Variants in KCNQ2 observed in about 807,000 individuals in gnomAD.
KCNQ2 encodes potassium voltage-gated channel subfamily KQT member 2.
A neutral mutation model predicts 84.8 loss-of-function variants in KCNQ2; 14 were observed. The ratio of observed to expected loss-of-function variants is 0.17; its 90% CI spans 0.11 to 0.26. The LOEUF (loss-of-function observed/expected upper bound fraction) is 0.26, where lower values mean the gene tolerates loss of function less well. Ranked by LOEUF, KCNQ2 falls within the 10% of genes least tolerant of loss-of-function variation. KCNQ2 has a pLI of 1.00. For missense variants in KCNQ2, 788 were observed against 1,254.0 expected (o/e 0.63, Z 5.61); for synonymous variants, 599 against 554.1 (o/e 1.08, Z -1.14).
In KCNQ2 at chr20:63,460,603, G is replaced by A. The variant is rs535668581; in HGVS notation, c.296+11565C>T. Among the ~76,000 whole-genome samples, 49 of 152,298 alleles carry A rather than the reference G, an allele frequency of 3.2e-4. No homozygotes were observed. Among genetic ancestry groups the A allele is most frequent in the African/African-American group, 1.1e-3 (44 of 41,556 alleles). On this transcript the variant is annotated intron_variant, in intron 1 of 16. Coordinates refer to ENST00000359125, the MANE Select transcript of KCNQ2 (RefSeq NM_172107.4). This position sits in a 1 kb window ranked among gnomAD's most constrained non-coding sequence, Gnocchi z 5.4. Reference sequence around the variant, plus strand: ...CCTCCACTTGCACACCTCCGGCGACGGAGGGCTCACCCCACAGAAAGAATC... The same window carrying A: ...CCTCCACTTGCACACCTCCGGCGACAGAGGGCTCACCCCACAGAAAGAATC...
At chr20:63,428,877 G>A (rs2080711596) in intron 9 of KCNQ2, among the ~76,000 whole-genome samples, 1 of 152,166 alleles carries the variant, frequency 6.6e-6, no homozygotes, top group South Asian at 2.1e-4. Flanking sequence ...CAAAGCTGGA[G>A]GAGTTGGGAG....
At chr20:63,410,124 C>T (rs1453185317) in intron 15 of KCNQ2, 2 of 186,566 alleles carry the variant, frequency 1.1e-5, no homozygotes, top group Non-Finnish European at 2.2e-5. Flanking sequence ...CGGGAGGGGA[C>T]GGCGGGAGGG....
chr20:63,417,783 G>C (rs1037268857), intron 12 of KCNQ2, among the ~76,000 whole-genome samples: 1 of 152,192 alleles, frequency 6.6e-6, no homozygotes, highest in Non-Finnish European at 1.5e-5. Context: ...TTTCAGGGGG[G>C]ACCCCCCGCT....
At chr20:63,431,300 C>CCA (rs138324374) in intron 9 of KCNQ2, 40 bp downstream of exon 9, 45 of 1,598,432 alleles carry the variant, frequency 2.8e-5, no homozygotes, top group South Asian at 1.0e-4. Flanking sequence ...AGAACTAGAA[C>CCA]CACACACACA....
At chr20:63,419,201 GCA>G (rs2080391923) in intron 12 of KCNQ2, among the ~76,000 whole-genome samples, 1 of 152,216 alleles carries the variant, frequency 6.6e-6, no homozygotes, top group African/African-American at 2.4e-5. Flanking sequence ...GAGGAGCCCG[GCA>G]CACACAGACG....
chr20:63,442,878 TCAC>T (rs1568935015), intron 4 of KCNQ2, among the ~76,000 whole-genome samples: 73 of 6,382 alleles, frequency 0.011, no homozygotes, highest in Non-Finnish European at 0.011. Context: ...ATCACCATTA[TCAC>T]CACCACCATC....
chr20:63,409,646 C>A lies in KCNQ2; in HGVS notation c.1764-1110G>T, dbSNP rs562820380. Among the ~76,000 whole-genome samples, 160 of 152,336 alleles carry A rather than the reference C, an allele frequency of 1.1e-3. 1 individual carries two copies. The highest frequency in any genetic ancestry group is 3.7e-3 in the African/African-American group (154 of 41,582). ...GGAGAGGCCACAAGCTCCCAAGTCT[C>A]CCCTGGACTGGGGCCTGGTACATGA... On this transcript the variant is annotated intron_variant, in intron 15 of 16. Coordinates refer to ENST00000359125, the MANE Select transcript of KCNQ2 (RefSeq NM_172107.4).
intron 1 of KCNQ2, chr20:63,459,055 G>A (rs1459883489): frequency 6.6e-6 from 1 of 152,298 alleles, no homozygotes; most frequent in Admixed American, 6.5e-5. Flanking sequence ...TGGGTGGGTA[G>A]ATAAACTGAG....
chr20:63,472,157 C>T lies in KCNQ2; in HGVS notation c.296+11G>A, dbSNP rs775722109. The T allele has an allele frequency of 1.6e-5, 24 of 1,492,144 alleles. No individual in the cohort carries two copies. The highest frequency in any genetic ancestry group is 2.0e-5 in the Non-Finnish European group (22 of 1,119,478). 92.4% of individuals were successfully genotyped at this position (1,492,144 alleles called of 1,614,324 possible). On this transcript the variant is annotated intron_variant, in intron 1 of 16. Transcript: ENST00000359125. ...ATGGGGGTCGCCACGGGGGCCCCGC[C>T]GGCCACTCACACGTAGGCGTGGTAG... is the stretch of plus-strand genomic sequence containing the variant.
In KCNQ2 at chr20:63,407,454, G is replaced by C; in HGVS notation, c.1888-79C>G. On this transcript the variant is annotated intron_variant, in intron 16 of 16. Transcript: ENST00000359125. The surrounding 1 kb of genome is among the most constrained non-coding windows in gnomAD (Gnocchi z 7.2). ...GGACCCAGGCTGCTCCCAGGAAATG[G>C]GGGGGCCCAGGCTGGTTCCAGGAAA... 6.7e-7 allele frequency: 1 copy of C among 1,501,380 alleles called. No individual in the cohort carries two copies. The highest frequency in any genetic ancestry group is 9.0e-7 in the Non-Finnish European group (1 of 1,105,464). 93.0% of individuals were successfully genotyped at this position (1,501,380 alleles called of 1,614,324 possible). A position where few individuals can be genotyped will look rare whatever the true frequency, so the allele number is the denominator to read the frequency against.
In KCNQ2 at chr20:63,407,667, T is replaced by A. The variant is rs548900611; in HGVS notation, c.1888-292A>T. Among the ~76,000 whole-genome samples the A allele has an allele frequency of 4.1e-5, 6 of 148,050 alleles. No individual in the cohort carries two copies. Among genetic ancestry groups the A allele is most frequent in the Non-Finnish European group, 8.9e-5 (6 of 67,146 alleles). ...AGGAAATGGGGGGGACCCAGGCTGG[T>A]CCTAGGAGATGGGGGGACCTGGACC... is the stretch of plus-strand genomic sequence containing the variant. On this transcript the variant is annotated intron_variant, in intron 16 of 16. Coordinates refer to ENST00000359125, the MANE Select transcript of KCNQ2 (RefSeq NM_172107.4). This position sits in a 1 kb window ranked among gnomAD's most constrained non-coding sequence, Gnocchi z 7.2.
intron 10 of KCNQ2, among the ~76,000 whole-genome samples, chr20:63,424,770 C>T (rs3827017): frequency 0.21 from 32,491 of 152,202 alleles, 4,178 homozygotes; most frequent in Non-Finnish European, 0.3. Context: ...CTGGGCCTTC[C>T]GGCGTCTCAT....
rs996695264 is a variant in KCNQ2, at chr20:63,426,535, G to A, written c.1217+1832C>T. 5.9e-5 allele frequency among the ~76,000 whole-genome samples: 9 copies of A among 151,330 alleles called. No homozygotes were observed. The East Asian group carries it at 1.2e-3, about 20-fold the overall frequency. ...TTTTTTAATAGTCTTTTGGCGGATC[G>A]GCCAGGTGCTGCTCTGAATCTCCCT... On this transcript the variant is annotated intron_variant, in intron 10 of 16. Coordinates refer to ENST00000359125, the MANE Select transcript of KCNQ2 (RefSeq NM_172107.4).
chr20:63,413,226 C>T (rs1457763191), intron 15 of KCNQ2: 8 of 580,986 alleles, frequency 1.4e-5, no homozygotes, highest in East Asian at 6.0e-5. Context: ...CACAGGTGCA[C>T]GCACTTGCCC....
Position 63,407,182 on chromosome 20 carries a change from C to G in KCNQ2, c.2081G>C (p.Ser694Thr), listed in dbSNP as rs769558746. ...GCIVKIVRSS[S>T]STGQKNFSAP... ...CGAGAAGTTCTTCTGGCCCGTGGAG[C>G]TGCTGGAGCGCACGATCTTGACAAT... Residue 694 changes from serine to threonine, a missense_variant, in exon 17 of 17, where the codon AGC becomes ACC. This residue lies in a region of KCNQ2 where 378 missense variants were observed against 434.5 expected (regional missense o/e 0.87). Coordinates refer to ENST00000359125, the MANE Select transcript of KCNQ2 (RefSeq NM_172107.4). The surrounding 1 kb of genome is among the most constrained non-coding windows in gnomAD (Gnocchi z 7.2). The G allele has an allele frequency of 8.7e-6, 14 of 1,605,124 alleles. No homozygotes were observed. The African/African-American group carries it at 1.9e-4, about 21-fold the overall frequency.
intron 15 of KCNQ2, among the ~76,000 whole-genome samples, chr20:63,412,858 G>A (rs902133235): frequency 3.3e-5 from 5 of 152,198 alleles, no homozygotes; most frequent in African/African-American, 4.8e-5. Flanking sequence ...ACACCCACTC[G>A]TGTGTATATC....
chr20:63,458,645 C>T (rs998272931), intron 1 of KCNQ2, among the ~76,000 whole-genome samples: 2 of 152,216 alleles, frequency 1.3e-5, no homozygotes, highest in Admixed American at 6.5e-5. Flanking sequence ...TCTGCTCGCC[C>T]TCCCGGAGGC....
chr20:63,441,621 C>G (rs2081164492), intron 5 of KCNQ2, among the ~76,000 whole-genome samples: 1 of 139,560 alleles, frequency 7.2e-6, no homozygotes, highest in South Asian at 2.3e-4. Flanking sequence ...CGGGCCCCAC[C>G]CTGACCCTGT....
At chr20:63,411,287 A>G (rs1373349706) in intron 15 of KCNQ2, among the ~76,000 whole-genome samples, 1 of 152,096 alleles carries the variant, frequency 6.6e-6, no homozygotes, top group African/African-American at 2.4e-5. Flanking sequence ...GCTCGGAGCC[A>G]CCCAGGGCCC....
Sources: allele counts gnomAD v4.1 joint callset (sites outside exome capture counted in the v4.1 genomes callset), GRCh38; gene constraint gnomAD v4.1.1; regional missense constraint gnomAD v4.1.1; non-coding constraint Gnocchi (gnomAD v3.1); transcripts MANE v1.5; gene names NCBI Gene and HGNC (gene_info 2026-07-23, HGNC 2026-07-21).